Variants in CNTN5 observed in about 807,000 individuals in gnomAD.
CNTN5 encodes contactin-5.
CNTN5 carries 77 observed loss-of-function variants against 129.1 expected under a neutral mutation model. That is an observed-to-expected ratio of 0.60 (90% confidence interval 0.50 to 0.72). The LOEUF (loss-of-function observed/expected upper bound fraction) is 0.72, where lower values mean the gene tolerates loss of function less well. CNTN5 is among the 30% of genes least tolerant of loss of function. CNTN5 has a pLI of 0.00. For missense variants in CNTN5, 1,478 were observed against 1,328.8 expected, an observed-to-expected ratio of 1.11 and a Z score of -1.75; for synonymous variants, 509 against 465.6, an observed-to-expected ratio of 1.09 and a Z score of -1.20.
At chr11:99,634,477 C>T (rs78458316) in intron 3 of CNTN5, among the ~76,000 whole-genome samples, 15 of 152,118 alleles carry the variant, frequency 9.9e-5, no homozygotes, top group African/African-American at 2.7e-4. Context: ...TGGGCACGAA[C>T]GGTGTCTGAA....
At chr11:99,769,396 G>A (rs575257364) in intron 3 of CNTN5, among the ~76,000 whole-genome samples, 2 of 152,166 alleles carry the variant, frequency 1.3e-5, no homozygotes, top group South Asian at 2.1e-4. Flanking sequence ...CATAATCTTA[G>A]TTACTTTTTT....
chr11:99,038,067 G>C (rs1245052940), intron 1 of CNTN5, among the ~76,000 whole-genome samples: 3 of 151,874 alleles, frequency 2.0e-5, no homozygotes, highest in South Asian at 2.1e-4. Context: ...ATGCTTTAAA[G>C]AGGCCAACAT....
chr11:99,957,686 C>T (rs765339299), intron 8 of CNTN5, among the ~76,000 whole-genome samples: 11 of 151,932 alleles, frequency 7.2e-5, no homozygotes, highest in East Asian at 1.9e-4. Context: ...TCTATGAAGG[C>T]GTTATTAAGA....
At chr11:99,511,270 A>G (rs1339040486) in intron 2 of CNTN5, among the ~76,000 whole-genome samples, 1 of 152,046 alleles carries the variant, frequency 6.6e-6, no homozygotes, top group East Asian at 1.9e-4. Context: ...TTCAAAGAAC[A>G]TCTTTATTTC....
intron 1 of CNTN5, among the ~76,000 whole-genome samples, chr11:99,241,577 T>C (rs977425255): frequency 9.9e-5 from 15 of 152,094 alleles, no homozygotes; most frequent in African/African-American, 3.6e-4. Flanking sequence ...TATGTGTGTG[T>C]AGGTAGGTAG....
At position 100,185,257 on chromosome 11, in the gene CNTN5, T is replaced by G. The variant is rs370069175; in HGVS notation, c.1581-5869T>G. Among the ~76,000 whole-genome samples, 9 of 152,302 alleles carry G rather than the reference T, an allele frequency of 5.9e-5. No homozygotes were observed. In the East Asian group the frequency reaches 1.6e-3, roughly 26 times the overall value. ...CTTGATCTGTAAAATGAAGTTTTAC[T>G]GGATAAGTTCTACTCTCTCAACTTC... On this transcript the variant is annotated intron_variant, in intron 13 of 24. Transcript: ENST00000524871.
intron 13 of CNTN5, among the ~76,000 whole-genome samples, chr11:100,125,266 A>T (rs1223334310): frequency 6.6e-6 from 1 of 152,000 alleles, no homozygotes; most frequent in East Asian, 1.9e-4. Context: ...GATATGATTG[A>T]TTCTGTCACC....
Position 100,146,654 on chromosome 11 carries a change from C to T in CNTN5, c.1581-44472C>T, listed in dbSNP as rs144896144. Among the ~76,000 whole-genome samples the T allele has an allele frequency of 6.6e-3, 1,009 of 152,112 alleles. 8 individuals carry two copies. The highest frequency in any genetic ancestry group is 0.023 in the African/African-American group (950 of 41,508). ...CAGAACGTTTAATTACTATTCTCAGCGAGTAGATCATATTCACTGTTGAAA... is the reference window on the plus strand; with the variant it reads ...CAGAACGTTTAATTACTATTCTCAGTGAGTAGATCATATTCACTGTTGAAA... On this transcript the variant is annotated intron_variant, in intron 13 of 24. Coordinates refer to ENST00000524871, the MANE Select transcript of CNTN5 (RefSeq NM_014361.4).
intron 1 of CNTN5, among the ~76,000 whole-genome samples, chr11:99,300,211 T>A (rs1303141258): frequency 1.3e-5 from 2 of 152,116 alleles, no homozygotes; most frequent in African/African-American, 2.4e-5. Context: ...TTAGGGGGAA[T>A]GTTTTCAGCT....
At chr11:100,063,143 G>T (rs1459033036) in intron 10 of CNTN5, among the ~76,000 whole-genome samples, 1 of 152,006 alleles carries the variant, frequency 6.6e-6, no homozygotes, top group Non-Finnish European at 1.5e-5. Context: ...ATGTTCTAGG[G>T]ACTGAGGCTC....
intron 2 of CNTN5, among the ~76,000 whole-genome samples, chr11:99,430,374 C>T (rs114800065): frequency 0.036 from 5,298 of 147,358 alleles, 314 homozygotes; most frequent in African/African-American, 0.12. Context: ...TATATGTGTG[C>T]ACGCATGTGT....
At chr11:100,180,698 G>A (rs1287915500) in intron 13 of CNTN5, among the ~76,000 whole-genome samples, 2 of 151,884 alleles carry the variant, frequency 1.3e-5, no homozygotes, top group African/African-American at 4.8e-5. Flanking sequence ...GTAAGCTACG[G>A]ACTGGCAGAA....
intron 18 of CNTN5, among the ~76,000 whole-genome samples, chr11:100,286,301 C>T (rs574366395): frequency 6.6e-6 from 1 of 152,296 alleles, no homozygotes; most frequent in East Asian, 1.9e-4. Flanking sequence ...CCTCTGGGGG[C>T]AGGGCACAGA....
intron 1 of CNTN5, among the ~76,000 whole-genome samples, chr11:99,161,668 A>G (rs1475856673): frequency 1.3e-5 from 2 of 152,192 alleles, no homozygotes; most frequent in Non-Finnish European, 1.5e-5. Flanking sequence ...TGAGAAAAAT[A>G]TAACCTTAAT....
chr11:99,915,411 A>T (rs990160965), intron 6 of CNTN5, among the ~76,000 whole-genome samples: 2 of 152,150 alleles, frequency 1.3e-5, no homozygotes, highest in Non-Finnish European at 2.9e-5. Flanking sequence ...AATCCCTTTT[A>T]CATAGAAGTG....
At chr11:99,295,294 A>G (rs1393609927) in intron 1 of CNTN5, among the ~76,000 whole-genome samples, 1 of 152,184 alleles carries the variant, frequency 6.6e-6, no homozygotes, top group Non-Finnish European at 1.5e-5. Flanking sequence ...ATTGTAATCT[A>G]CATTTGATGT....
intron 8 of CNTN5, among the ~76,000 whole-genome samples, chr11:99,972,085 TAAAAAAAA>T (rs71050038): frequency 1.5e-4 from 14 of 92,206 alleles, no homozygotes; most frequent in African/African-American, 3.4e-4. Flanking sequence ...TTATCTCTAT[TAAAAAAAA>T]AAAAAAAAAA....
intron 2 of CNTN5, among the ~76,000 whole-genome samples, chr11:99,494,785 C>CT (rs1946164064): frequency 6.6e-6 from 1 of 152,092 alleles, no homozygotes; most frequent in Non-Finnish European, 1.5e-5. Flanking sequence ...TTTTCCAGTG[C>CT]TGTATAATTA....
intron 2 of CNTN5, among the ~76,000 whole-genome samples, chr11:99,501,579 G>A (rs1946428822): frequency 6.6e-6 from 1 of 152,176 alleles, no homozygotes; most frequent in African/African-American, 2.4e-5. Context: ...TTCTTCAGTA[G>A]CAAGTGAGCC....
Sources: gnomAD v4.1 joint callset for allele counts (sites outside exome capture counted in the v4.1 genomes callset) on GRCh38, gnomAD v4.1.1 for gene constraint, MANE v1.5 for transcripts, NCBI Gene and HGNC (gene_info 2026-07-23, HGNC 2026-07-21) for gene names.